ELMO1: variants seen among roughly 807,000 people sequenced by gnomAD.
ELMO1 encodes engulfment and cell motility protein 1.
In ELMO1, 26 loss-of-function variants were observed where a neutral mutation model predicts 98.9. The observed-to-expected ratio is 0.26, with a 90% CI of 0.19 to 0.36. ELMO1 has a LOEUF of 0.36. ELMO1 is among the 10% of genes least tolerant of loss of function. The probability of loss-of-function intolerance (pLI) is 1.00; values close to 1 mark genes in which losing one functional copy is unlikely to be tolerated. For synonymous variants in ELMO1, 346 were observed against 346.0 expected (o/e 1.00, Z 0.00); for missense variants, 627 against 935.2 (o/e 0.67, Z 4.30).
At chr7:37,370,086 A>C (rs1032055417) in intron 1 of ELMO1, among the ~76,000 whole-genome samples, 1 of 152,262 alleles carries the variant, frequency 6.6e-6, no homozygotes, top group Non-Finnish European at 1.5e-5. Context: ...CTCTATGCTC[A>C]GGACACCACG....
intron 19 of ELMO1, among the ~76,000 whole-genome samples, chr7:36,873,258 A>G (rs1200518103): frequency 6.6e-6 from 1 of 152,176 alleles, no homozygotes; most frequent in African/African-American, 2.4e-5. Flanking sequence ...TGGCCTCTCT[A>G]TTCTCATGAG....
At chr7:37,135,605 G>A (rs993818402) in intron 13 of ELMO1, among the ~76,000 whole-genome samples, 4 of 152,140 alleles carry the variant, frequency 2.6e-5, no homozygotes, top group African/African-American at 7.2e-5. Flanking sequence ...TCTGCTGGGT[G>A]GCTAGACCCA....
chr7:36,997,200 AG>A (rs930520711), intron 16 of ELMO1, among the ~76,000 whole-genome samples: 1 of 152,226 alleles, frequency 6.6e-6, no homozygotes, highest in African/African-American at 2.4e-5. Flanking sequence ...CTATGACAGG[AG>A]AAAGTGATTC....
intron 1 of ELMO1, among the ~76,000 whole-genome samples, chr7:37,357,588 T>C (rs1407275348): frequency 1.3e-5 from 2 of 152,230 alleles, no homozygotes; most frequent in Admixed American, 6.5e-5. Context: ...GTAGATATTT[T>C]ATCTCTCTAG....
At chr7:36,970,180 AACACACACAC>A (rs56928749) in intron 16 of ELMO1, among the ~76,000 whole-genome samples, 13,209 of 144,330 alleles carry the variant, frequency 0.092, 633 homozygotes, top group Middle Eastern at 0.19. Context: ...TCATACACTT[AACACACACAC>A]ACACACACAC....
At chr7:37,327,782 T>C (rs2700997) in intron 2 of ELMO1, among the ~76,000 whole-genome samples, 73,138 of 151,812 alleles carry the variant, frequency 0.48, 18,789 homozygotes, top group Non-Finnish European at 0.58. Flanking sequence ...AAATGTCCCA[T>C]TAAGTTAATG....
Position 36,908,267 on chromosome 7 carries a change from T to C in ELMO1, c.1438-13250A>G, listed in dbSNP as rs548747282. On this transcript the variant is annotated intron_variant, in intron 16 of 21. Transcript: ENST00000310758. ...TGAATAAACTGAAATAGTGAACAAA[T>C]TCTAGACCTACTGATGTTTAGCACA... is the stretch of plus-strand genomic sequence containing the variant. 6.0e-4 allele frequency among the ~76,000 whole-genome samples: 91 copies of C among 152,326 alleles called. 1 individual carries two copies. The highest frequency in any genetic ancestry group is 2.1e-3 in the African/African-American group (89 of 41,580).
chr7:37,124,062 A>C (rs1269560869), intron 14 of ELMO1, among the ~76,000 whole-genome samples: 2 of 152,250 alleles, frequency 1.3e-5, no homozygotes, highest in Non-Finnish European at 2.9e-5. Flanking sequence ...ACAGATGCAG[A>C]AAAGTTTGAC....
At chr7:36,891,612 G>A (rs1049544543) in intron 17 of ELMO1, among the ~76,000 whole-genome samples, 1 of 152,190 alleles carries the variant, frequency 6.6e-6, no homozygotes, top group Non-Finnish European at 1.5e-5. Context: ...TAATAAGACA[G>A]AACATTTCTT....
At chr7:37,037,364 C>G (rs969824409) in intron 15 of ELMO1, among the ~76,000 whole-genome samples, 16 of 152,270 alleles carry the variant, frequency 1.1e-4, no homozygotes, top group African/African-American at 3.8e-4. Context: ...ATTTCCCTCC[C>G]CAGGTCAAGC....
At chr7:37,143,731 G>A (rs1294520512) in intron 13 of ELMO1, among the ~76,000 whole-genome samples, 1 of 100,262 alleles carries the variant, frequency 1.0e-5, no homozygotes, top group African/African-American at 3.6e-5. Flanking sequence ...TTTTTTTTGA[G>A]ATGGAGTCTC....
intron 16 of ELMO1, among the ~76,000 whole-genome samples, chr7:36,938,521 T>C (rs977144310): frequency 6.6e-6 from 1 of 152,206 alleles, no homozygotes; most frequent in East Asian, 1.9e-4. Context: ...ATCTGCAAAT[T>C]TAAGAAAAAG....
At chr7:36,906,706 G>A (rs1226428866) in intron 16 of ELMO1, among the ~76,000 whole-genome samples, 2 of 152,088 alleles carry the variant, frequency 1.3e-5, no homozygotes, top group East Asian at 1.9e-4. Flanking sequence ...TGGGAGGATC[G>A]CTTGAGCCCA....
At chr7:37,367,519 T>A (rs76872754) in intron 1 of ELMO1, among the ~76,000 whole-genome samples, 12,282 of 152,274 alleles carry the variant, frequency 0.081, 625 homozygotes, top group Middle Eastern at 0.12. Flanking sequence ...GATTTCTTAG[T>A]TACTTTAAGA....
At chr7:36,977,343 T>C (rs2129140444) in intron 16 of ELMO1, among the ~76,000 whole-genome samples, 1 of 152,294 alleles carries the variant, frequency 6.6e-6, no homozygotes, top group Non-Finnish European at 1.5e-5. Context: ...AAACCATCAG[T>C]GCAAGTGTTT....
chr7:37,293,079 T>G (rs1203300896), intron 4 of ELMO1, among the ~76,000 whole-genome samples: 1 of 16,834 alleles, frequency 5.9e-5, no homozygotes, highest in Non-Finnish European at 3.2e-4. Context: ...AGCCGCCCCG[T>G]CCGGGAGGGA....
chr7:37,137,143 A>G (rs1489968908), intron 13 of ELMO1, among the ~76,000 whole-genome samples: 1 of 152,202 alleles, frequency 6.6e-6, no homozygotes, highest in Non-Finnish European at 1.5e-5. Flanking sequence ...GACAAAACTA[A>G]CTTTAAAGCA....
At chr7:36,895,267 G>A (rs188728450) in intron 16 of ELMO1, among the ~76,000 whole-genome samples, 25 of 152,328 alleles carry the variant, frequency 1.6e-4, no homozygotes, top group African/African-American at 5.5e-4. Context: ...AGCTCAGGGT[G>A]GGAGGTGTAC....
At chr7:37,196,850 G>C (rs1347000577) in intron 13 of ELMO1, among the ~76,000 whole-genome samples, 1 of 152,150 alleles carries the variant, frequency 6.6e-6, no homozygotes, top group East Asian at 1.9e-4. Flanking sequence ...GTCTTGTGGA[G>C]ACAGAATGAG....
Sources: allele counts gnomAD v4.1 joint callset (sites outside exome capture counted in the v4.1 genomes callset), GRCh38; gene constraint gnomAD v4.1.1; transcripts MANE v1.5; gene names NCBI Gene and HGNC (gene_info 2026-07-23, HGNC 2026-07-21).